MZT2A: variants seen among roughly 807,000 people sequenced by gnomAD.
MZT2A encodes mitotic spindle organizing protein 2A.
Under a neutral mutation model 12.4 loss-of-function variants are expected in MZT2A, and 8 were observed. The observed-to-expected ratio is 0.64, with a 90% confidence interval of 0.38 to 1.16. The LOEUF is 1.16. Among genes scored for constraint, MZT2A ranks in the 50% most tolerant of loss-of-function variants. The pLI is 0.01. For missense variants in MZT2A, 181 were observed against 223.6 expected, an observed-to-expected ratio of 0.81 and a Z score of 1.22; for synonymous variants, 88 against 107.5, an observed-to-expected ratio of 0.82 and a Z score of 1.12.
At chr2:131,492,480 C>T, upstream of MZT2A, 2 of 1,051,934 alleles carry the variant, frequency 1.9e-6, no homozygotes, top group African/African-American at 1.7e-5. Flanking sequence ...CCGGGCTGCC[C>T]TGGCGGGAGC....
intron 2 of MZT2A, among the ~76,000 whole-genome samples, chr2:131,472,485 A>G (rs531212212): frequency 6.6e-6 from 1 of 152,358 alleles, no homozygotes; most frequent in South Asian, 2.1e-4. Context: ...TCTACTGGGA[A>G]TATGTGTTAC....
chr2:131,482,131 C>T (rs1267568772), downstream of MZT2A, among the ~76,000 whole-genome samples: 1 of 152,148 alleles, frequency 6.6e-6, no homozygotes, highest in Non-Finnish European at 1.5e-5. Context: ...TTCTGTGGGT[C>T]AGAAGTGGGT....
At chr2:131,482,773 A>G, downstream of MZT2A, 1 of 1,614,176 alleles carries the variant, frequency 6.2e-7, no homozygotes, top group Non-Finnish European at 8.5e-7. Context: ...AGGACCTGGC[A>G]GCTCTAGAGA....
upstream of MZT2A, chr2:131,492,810 C>G (rs1320170546): frequency 9.1e-6 from 13 of 1,430,736 alleles, no homozygotes; most frequent in Non-Finnish European, 1.1e-5. Flanking sequence ...TAATCAACAA[C>G]CCTGCTTACG....
At chr2:131,481,975 C>T (rs940174069), downstream of MZT2A, among the ~76,000 whole-genome samples, 6 of 152,244 alleles carry the variant, frequency 3.9e-5, no homozygotes, top group African/African-American at 1.2e-4. Flanking sequence ...ACTTGGAATG[C>T]TTCCCCTTTG....
chr2:131,492,213 A>G lies in MZT2A; in HGVS notation c.164T>C (p.Val55Ala), dbSNP rs1196023654. ...QAAGGGIDPD[V>A]FKILVDLLKL... ...CCCCACCCGCCCCGCTCACTTGAAC[A>G]CGTCGGGGTCGATACCGCCGCCCGC... The change falls in exon 1 of 3, where the codon GTG becomes GCG. Residue 55 changes from valine (V) to alanine (A), a missense_variant. This residue lies in a region of MZT2A where 106 missense variants were observed against 127.2 expected (regional missense o/e 0.83). Transcript: ENST00000309451. The G allele has an allele frequency of 4.4e-6, 7 of 1,577,378 alleles. No individual in the cohort carries two copies. The highest frequency in any genetic ancestry group is 1.2e-5 in the South Asian group (1 of 86,834).
intron 3 of MZT2A, chr2:131,470,486 C>T (rs2105262233): frequency 2.9e-6 from 1 of 347,286 alleles, no homozygotes. Context: ...AAATCCCCTG[C>T]TTGGAAAAAG....
chr2:131,471,360 A>G (rs1324031121), intron 3 of MZT2A, among the ~76,000 whole-genome samples: 1 of 139,722 alleles, frequency 7.2e-6, no homozygotes, highest in Non-Finnish European at 1.5e-5. Flanking sequence ...CAGTGTATAA[A>G]TGAATGTATT....
chr2:131,490,112 G>T, intron 2 of MZT2A: 1 of 711,894 alleles, frequency 1.4e-6, no homozygotes, highest in East Asian at 1.4e-4. Context: ...GGTGGCCGCT[G>T]TCAGGAGGCT....
chr2:131,489,464 A>C (rs1679198824), intron 2 of MZT2A: 1 of 151,246 alleles, frequency 6.6e-6, no homozygotes, highest in African/African-American at 2.4e-5. Context: ...TCCCAGGTTC[A>C]CGCCATTCTC....
At chr2:131,479,541 A>C, downstream of MZT2A, 1 of 1,579,150 alleles carries the variant, frequency 6.3e-7, no homozygotes, top group African/African-American at 1.3e-5. Flanking sequence ...TTTTATCAAC[A>C]CTTAGACCAG....
intron 3 of MZT2A, among the ~76,000 whole-genome samples, chr2:131,471,142 A>C (rs1704974079): frequency 7.2e-6 from 1 of 138,882 alleles, no homozygotes; most frequent in Admixed American, 6.7e-5. Context: ...CGGCTCCCAC[A>C]TGGGGAGAAA....
At position 131,492,365 on chromosome 2, in the gene MZT2A, C is replaced by CT. The variant is rs1402465275; in HGVS notation, c.11dup (p.Val6ArgfsTer176). On this transcript the variant is annotated frameshift_variant, in exon 1 of 3. Transcript: ENST00000309451. LOFTEE classifies it high-confidence loss of function. The stretch of plus-strand genomic sequence containing the variant: ...CCGACCCCGGCCCAGGCCCTACGCC[C>CT]TGCGCCGCCATCCGCGAGGCCCGCC... The CT allele has an allele frequency of 1.7e-5, 23 of 1,353,002 alleles. No homozygotes were observed. Among genetic ancestry groups the CT allele is most frequent in the Non-Finnish European group, 2.2e-5 (23 of 1,062,750 alleles). 83.8% of individuals were successfully genotyped at this position (1,353,002 alleles called of 1,614,324 possible).
downstream of MZT2A, among the ~76,000 whole-genome samples, chr2:131,478,976 G>A (rs1388004818): frequency 6.6e-6 from 1 of 152,214 alleles, no homozygotes; most frequent in Non-Finnish European, 1.5e-5. Flanking sequence ...GGTTGTAAGA[G>A]TTTCTAACTT....
chr2:131,476,129 T>A (rs922567915), intron 2 of MZT2A: 6 of 1,612,022 alleles, frequency 3.7e-6, no homozygotes, highest in Non-Finnish European at 5.1e-6. Context: ...AGGTTGCAGT[T>A]GGGCGCTCAG....
At chr2:131,487,576 G>A (rs535204547) in intron 2 of MZT2A, among the ~76,000 whole-genome samples, 11 of 152,324 alleles carry the variant, frequency 7.2e-5, no homozygotes, top group African/African-American at 1.9e-4. Flanking sequence ...TATGTAGTCA[G>A]TACATAAATT....
intron 2 of MZT2A, among the ~76,000 whole-genome samples, chr2:131,476,391 T>C (rs1029632971): frequency 2.0e-5 from 3 of 152,156 alleles, no homozygotes; most frequent in African/African-American, 4.8e-5. Context: ...GACGGCGGCT[T>C]TTGTTTTAGA....
Position 131,491,061 on chromosome 2 carries a change from G to T in MZT2A, c.319+815C>A, listed in dbSNP as rs1014949947. 28 of 1,068,930 alleles carry T rather than the reference G, an allele frequency of 2.6e-5. No homozygotes were observed. In the African/African-American group the frequency reaches 4.3e-4, roughly 16 times the overall value. 66.2% of individuals were successfully genotyped at this position (1,068,930 alleles called of 1,614,324 possible). The stretch of plus-strand genomic sequence containing the variant: ...CACGCCTTCTCATGATGCCTGTGAG[G>T]GTCTCCTCCTGCTTCCAGGCAGGGA... On this transcript the variant is annotated intron_variant, in intron 2 of 2. Coordinates refer to ENST00000309451, the MANE Select transcript of MZT2A (RefSeq NM_001085365.2).
chr2:131,479,557 T>G, downstream of MZT2A: 1 of 1,563,504 alleles, frequency 6.4e-7, no homozygotes, highest in Non-Finnish European at 8.7e-7. Context: ...ACCAGCATCT[T>G]GGCCGGGCGC....
Sources: gnomAD v4.1 joint callset for allele counts (sites outside exome capture counted in the v4.1 genomes callset) on GRCh38, gnomAD v4.1.1 for gene constraint, gnomAD v4.1.1 regional missense constraint, MANE v1.5 for transcripts, NCBI Gene and HGNC (gene_info 2026-07-23, HGNC 2026-07-21) for gene names.